Variants in WWOX observed in about 807,000 individuals in gnomAD.
WWOX encodes WW domain-containing oxidoreductase.
Under a neutral mutation model 46.2 loss-of-function variants are expected in WWOX, and 69 were observed. The ratio of observed to expected loss-of-function variants is 1.49; its 90% CI spans 1.23 to 1.82. The LOEUF is 1.82. Among genes scored for constraint, WWOX ranks in the 40% most tolerant of loss-of-function variants. WWOX has a pLI of 0.00. For synonymous variants in WWOX, 359 were observed against 202.6 expected (o/e 1.77, Z -6.56); for missense variants, 919 against 542.6 (o/e 1.69, Z -6.89).
chr16:78,770,715 G>A (rs1023488566), intron 8 of WWOX, among the ~76,000 whole-genome samples: 1 of 140,960 alleles, frequency 7.1e-6, no homozygotes, highest in Non-Finnish European at 1.5e-5. Context: ...TGGGAGCTTC[G>A]CACCAGAACC....
intron 1 of WWOX, 175 bp downstream of exon 1, chr16:78,100,060 T>G (rs1191185333): frequency 4.3e-6 from 6 of 1,403,464 alleles, no homozygotes; most frequent in Non-Finnish European, 5.6e-6. Flanking sequence ...CCGGCCCCCT[T>G]GGTGGGCCTC....
intron 8 of WWOX, among the ~76,000 whole-genome samples, chr16:78,858,881 G>A (rs1280342061): frequency 6.7e-6 from 1 of 150,220 alleles, no homozygotes; most frequent in Non-Finnish European, 1.5e-5. Context: ...GTCTCACCAT[G>A]TTGCCCAGGC....
chr16:78,420,540 C>G (rs1166031242), intron 6 of WWOX, among the ~76,000 whole-genome samples: 3 of 151,958 alleles, frequency 2.0e-5, no homozygotes, highest in African/African-American at 4.8e-5. Flanking sequence ...TTGTATGGTT[C>G]CATTTAGTAT....
chr16:78,444,236 A>C (rs1472480444), intron 8 of WWOX, among the ~76,000 whole-genome samples: 1 of 152,078 alleles, frequency 6.6e-6, no homozygotes, highest in South Asian at 2.1e-4. Flanking sequence ...ATCTAATGTA[A>C]TTTTAGAGTG....
intron 8 of WWOX, among the ~76,000 whole-genome samples, chr16:78,804,394 G>C (rs2050973909): frequency 6.6e-6 from 1 of 150,778 alleles, no homozygotes; most frequent in Non-Finnish European, 1.5e-5. Context: ...CTTGGAGGTA[G>C]GAAAAAAGGC....
chr16:78,885,001 G>C (rs776811968), intron 8 of WWOX, among the ~76,000 whole-genome samples: 2 of 152,184 alleles, frequency 1.3e-5, no homozygotes, highest in South Asian at 4.2e-4. Flanking sequence ...GCCCTCAGCT[G>C]TGTCACTGGG....
At chr16:78,375,189 C>T (rs547542928) in intron 5 of WWOX, among the ~76,000 whole-genome samples, 1 of 152,320 alleles carries the variant, frequency 6.6e-6, no homozygotes, top group Non-Finnish European at 1.5e-5. Context: ...AAATAACCGT[C>T]GTCGTCATTT....
chr16:78,861,828 G>C (rs1004646112), intron 8 of WWOX, among the ~76,000 whole-genome samples: 1 of 152,148 alleles, frequency 6.6e-6, no homozygotes, highest in Non-Finnish European at 1.5e-5. Context: ...AAGCACAAAA[G>C]AAATTAAATA....
intron 8 of WWOX, among the ~76,000 whole-genome samples, chr16:78,651,281 T>C (rs1483294707): frequency 6.6e-6 from 1 of 152,202 alleles, no homozygotes; most frequent in Non-Finnish European, 1.5e-5. Context: ...AGCGAGTGAG[T>C]GCGAGCGAGA....
At chr16:78,869,631 G>A (rs2044083110) in intron 8 of WWOX, among the ~76,000 whole-genome samples, 1 of 152,244 alleles carries the variant, frequency 6.6e-6, no homozygotes, top group African/African-American at 2.4e-5. Flanking sequence ...GTCATGATGG[G>A]TTACTGATTC....
intron 5 of WWOX, among the ~76,000 whole-genome samples, chr16:78,378,176 T>G (rs1373767995): frequency 6.6e-6 from 1 of 151,898 alleles, no homozygotes; most frequent in Non-Finnish European, 1.5e-5. Flanking sequence ...ATTTTTGGTG[T>G]GGTTCTGTGT....
At chr16:78,471,484 T>C (rs1217926621) in intron 8 of WWOX, among the ~76,000 whole-genome samples, 1 of 152,194 alleles carries the variant, frequency 6.6e-6, no homozygotes, top group Non-Finnish European at 1.5e-5. Context: ...TCTCCATCGT[T>C]TGGATCTTTT....
chr16:78,325,618 A>G (rs1597485542), intron 5 of WWOX, among the ~76,000 whole-genome samples: 1 of 152,326 alleles, frequency 6.6e-6, no homozygotes, highest in Admixed American at 6.5e-5. Context: ...TAATGAGATC[A>G]GAAGGAGGTC....
chr16:78,815,483 G>A (rs773112748), intron 8 of WWOX, among the ~76,000 whole-genome samples: 5 of 152,032 alleles, frequency 3.3e-5, no homozygotes, highest in African/African-American at 4.8e-5. Flanking sequence ...CACTTCTTAC[G>A]TTACCCGTTT....
intron 8 of WWOX, among the ~76,000 whole-genome samples, chr16:78,437,851 C>G (rs1444169870): frequency 1.3e-5 from 2 of 152,184 alleles, no homozygotes; most frequent in East Asian, 3.8e-4. Context: ...CTAGAGCATT[C>G]TTTTATGCAG....
chr16:78,837,163 G>T (rs2052009844), intron 8 of WWOX, among the ~76,000 whole-genome samples: 1 of 152,188 alleles, frequency 6.6e-6, no homozygotes, highest in Non-Finnish European at 1.5e-5. Context: ...TTAAAAAAAT[G>T]TTTAGCTGCA....
chr16:78,957,543 C>G (rs1198217967), intron 8 of WWOX, among the ~76,000 whole-genome samples: 1 of 152,262 alleles, frequency 6.6e-6, no homozygotes, highest in African/African-American at 2.4e-5. Context: ...TGCTGCACAC[C>G]TTTAATCTCG....
intron 8 of WWOX, among the ~76,000 whole-genome samples, chr16:78,537,980 C>T (rs1413232497): frequency 6.6e-6 from 1 of 152,048 alleles, no homozygotes; most frequent in African/African-American, 2.4e-5. Flanking sequence ...AAATGAAATT[C>T]ACCTTTCCCC....
chr16:78,420,816 T>G (rs551826146), intron 6 of WWOX, among the ~76,000 whole-genome samples: 1 of 152,268 alleles, frequency 6.6e-6, no homozygotes, highest in East Asian at 1.9e-4. Context: ...AGCTAATGCT[T>G]ATTGTAGAAA....
Sources: allele counts gnomAD v4.1 joint callset (sites outside exome capture counted in the v4.1 genomes callset), GRCh38; gene constraint gnomAD v4.1.1; transcripts MANE v1.5; gene names NCBI Gene and HGNC (gene_info 2026-07-23, HGNC 2026-07-21).